The following GRM5 variants were observed in gnomAD, a reference collection of about 807,000 sequenced individuals.
GRM5 encodes the protein metabotropic glutamate receptor 5.
Under a neutral mutation model 83.1 loss-of-function variants are expected in GRM5, and 19 were observed. The ratio of observed to expected loss-of-function variants is 0.23; its 90% confidence interval spans 0.16 to 0.34. The LOEUF (loss-of-function observed/expected upper bound fraction) is 0.34, where lower values mean the gene tolerates loss of function less well. GRM5 is among the 10% of genes least tolerant of loss of function. The probability of loss-of-function intolerance (pLI) is 1.00; values close to 1 mark genes in which losing one functional copy is unlikely to be tolerated. For synonymous variants in GRM5, 675 were observed against 633.6 expected (o/e 1.07, Z -0.98); for missense variants, 1,160 against 1,588.3 (o/e 0.73, Z 4.58).
At chr11:89,022,499 A>AG (rs1941010376) in intron 2 of GRM5, among the ~76,000 whole-genome samples, 1 of 152,000 alleles carries the variant, frequency 6.6e-6, no homozygotes, top group East Asian at 1.9e-4. Context: ...AAAAAAAAAA[A>AG]AAAATAGACA....
At chr11:88,616,390 T>G (rs1380879703) in intron 4 of GRM5, among the ~76,000 whole-genome samples, 31 of 2,602 alleles carry the variant, frequency 0.012, no homozygotes, top group Admixed American at 0.097. Flanking sequence ...CTTTGGAGTG[T>G]TTTTTTTTTT....
intron 2 of GRM5, among the ~76,000 whole-genome samples, chr11:88,997,377 T>G (rs1031894751): frequency 1.4e-5 from 2 of 139,708 alleles, no homozygotes; most frequent in Admixed American, 7.1e-5. Flanking sequence ...AAATCTTAAA[T>G]CAGTAGCATG....
intron 2 of GRM5, among the ~76,000 whole-genome samples, chr11:89,001,386 T>C (rs1940373029): frequency 6.6e-6 from 1 of 152,144 alleles, no homozygotes; most frequent in African/African-American, 2.4e-5. Context: ...GGGACAGAGA[T>C]ATTGATACAG....
intron 2 of GRM5, among the ~76,000 whole-genome samples, chr11:88,929,530 T>A (rs1465213978): frequency 6.6e-6 from 1 of 152,138 alleles, no homozygotes; most frequent in Admixed American, 6.5e-5. Flanking sequence ...TTCAGTCTAA[T>A]GGCCTATTTA....
At chr11:89,061,529 A>C (rs1941991939) in intron 1 of GRM5, among the ~76,000 whole-genome samples, 1 of 152,254 alleles carries the variant, frequency 6.6e-6, no homozygotes, top group Non-Finnish European at 1.5e-5. Flanking sequence ...TCATTTTAAC[A>C]TGAAACACAA....
At chr11:88,566,979 A>T in intron 8 of GRM5, 74 bp downstream of exon 8, 1 of 970,394 alleles carries the variant, frequency 1.0e-6, no homozygotes, top group Non-Finnish European at 1.6e-6. Context: ...TCTCCCATTT[A>T]AAAGACCCAG....
intron 3 of GRM5, among the ~76,000 whole-genome samples, chr11:88,822,857 T>C (rs954801190): frequency 2.6e-5 from 4 of 151,994 alleles, no homozygotes; most frequent in Non-Finnish European, 5.9e-5. Context: ...AAATTTGAGG[T>C]ATCTTTTCTT....
At chr11:88,765,865 A>C (rs1942616523) in intron 3 of GRM5, among the ~76,000 whole-genome samples, 1 of 151,822 alleles carries the variant, frequency 6.6e-6, no homozygotes, top group Non-Finnish European at 1.5e-5. Context: ...TATGTTTTAA[A>C]ATTGTGTATA....
intron 2 of GRM5, among the ~76,000 whole-genome samples, chr11:88,949,416 C>A (rs1745313384): frequency 6.6e-6 from 1 of 152,202 alleles, no homozygotes; most frequent in Non-Finnish European, 1.5e-5. Context: ...ATTCCCATTA[C>A]ATACCCATTG....
chr11:88,548,845 A>G (rs1942440940), intron 8 of GRM5, among the ~76,000 whole-genome samples: 1 of 152,236 alleles, frequency 6.6e-6, no homozygotes, highest in Non-Finnish European at 1.5e-5. Flanking sequence ...ACCAGAGACT[A>G]GAGAAGTGAA....
chr11:88,838,394 T>C (rs1366522329), intron 3 of GRM5, among the ~76,000 whole-genome samples: 2 of 152,176 alleles, frequency 1.3e-5, no homozygotes, highest in African/African-American at 2.4e-5. Flanking sequence ...CTTCTTTTTA[T>C]GGAGCAGTCT....
chr11:89,061,297 T>C (rs1941987676), intron 1 of GRM5, among the ~76,000 whole-genome samples: 1 of 152,166 alleles, frequency 6.6e-6, no homozygotes, highest in Admixed American at 6.5e-5. Context: ...TACAAATAAA[T>C]ACAATATTTT....
intron 2 of GRM5, among the ~76,000 whole-genome samples, chr11:88,865,551 T>C (rs1455847658): frequency 1.3e-5 from 2 of 151,854 alleles, no homozygotes; most frequent in Admixed American, 6.6e-5. Context: ...AAAGACAAAA[T>C]TGACAAATGG....
At chr11:89,029,423 G>A (rs1028841747) in intron 2 of GRM5, among the ~76,000 whole-genome samples, 6 of 152,148 alleles carry the variant, frequency 3.9e-5, no homozygotes, top group East Asian at 1.9e-4. Flanking sequence ...AAGGTTGATA[G>A]AAAACTTAAG....
intron 3 of GRM5, among the ~76,000 whole-genome samples, chr11:88,816,550 A>AG (rs918485451): frequency 7.0e-5 from 10 of 142,034 alleles, no homozygotes; most frequent in East Asian, 3.9e-4. Context: ...AAAAAAAAAA[A>AG]AAAAGAAAAG....
intron 2 of GRM5, among the ~76,000 whole-genome samples, chr11:89,025,052 G>C (rs1941096115): frequency 6.6e-6 from 1 of 152,202 alleles, no homozygotes; most frequent in Non-Finnish European, 1.5e-5. Context: ...GGTGTGGTAA[G>C]AATGAAATCT....
chr11:88,641,466 G>A (rs1939291662), intron 4 of GRM5, among the ~76,000 whole-genome samples: 1 of 152,050 alleles, frequency 6.6e-6, no homozygotes, highest in African/African-American at 2.4e-5. Context: ...GTCCCCCAAA[G>A]TCTTAACTCA....
chr11:88,869,710 C>A (rs1430078009), intron 2 of GRM5, among the ~76,000 whole-genome samples: 1 of 151,366 alleles, frequency 6.6e-6, no homozygotes, highest in Non-Finnish European at 1.5e-5. Context: ...TCACTTTATT[C>A]CTTGAAAAAT....
chr11:88,815,874 A>G (rs1234973893), intron 3 of GRM5, among the ~76,000 whole-genome samples: 1 of 152,192 alleles, frequency 6.6e-6, no homozygotes, highest in African/African-American at 2.4e-5. Flanking sequence ...CATGCAAACC[A>G]GAGAAAAACG....
Sources: gnomAD v4.1 joint callset for allele counts (sites outside exome capture counted in the v4.1 genomes callset) on GRCh38, gnomAD v4.1.1 for gene constraint, MANE v1.5 for transcripts, NCBI Gene and HGNC (gene_info 2026-07-23, HGNC 2026-07-21) for gene names.